Variants in BAALC observed in about 807,000 individuals in gnomAD.
BAALC encodes BAALC binder of MAP3K1 and KLF4.
A neutral mutation model predicts 15.5 loss-of-function variants in BAALC; 9 were observed. The observed-to-expected ratio is 0.58, with a 90% confidence interval of 0.35 to 1.02. The LOEUF is 1.02. BAALC is among the 50% of genes least tolerant of loss of function. The pLI is 0.02. For missense variants in BAALC, 201 were observed against 192.4 expected (o/e 1.04, Z -0.27); for synonymous variants, 80 against 74.6 (o/e 1.07, Z -0.37).
At chr8:103,166,868 C>T (rs987558642) in intron 1 of BAALC, among the ~76,000 whole-genome samples, 7 of 152,174 alleles carry the variant, frequency 4.6e-5, no homozygotes. Context: ...AGTGACTTCA[C>T]TTGGCACAGT....
chr8:103,141,055 CG>C lies in BAALC; in HGVS notation c.160+1del. ...DSGPEAGGLH[S>X]GMLEDGLPSN... ...GGCCCCGAAGCGGGCGGCCTGCACTCGGGTAAGTGGCCGGGCCCCTGCAGAC... is the reference window on the plus strand; with the variant it reads ...GGCCCCGAAGCGGGCGGCCTGCACTCGGTAAGTGGCCGGGCCCCTGCAGAC... On this transcript the variant is annotated frameshift_variant and splice_region_variant, in exon 1 of 3. Coordinates refer to ENST00000309982, the MANE Select transcript of BAALC (RefSeq NM_024812.3). LOFTEE classifies it high-confidence loss of function. The C allele has an allele frequency of 6.7e-7, 1 of 1,494,048 alleles. No homozygotes were observed. The highest frequency in any genetic ancestry group is 8.9e-7 in the Non-Finnish European group (1 of 1,122,082). 92.5% of individuals were successfully genotyped at this position (1,494,048 alleles called of 1,614,324 possible). A position where few individuals can be genotyped will look rare whatever the true frequency, so the allele number is the denominator to read the frequency against.
intron 1 of BAALC, among the ~76,000 whole-genome samples, chr8:103,147,175 A>G (rs1156742057): frequency 1.3e-5 from 2 of 152,366 alleles, no homozygotes; most frequent in Admixed American, 1.3e-4. Context: ...TGTCTTAGAT[A>G]TCAGTCCATT....
At chr8:103,225,043 C>T (rs1031176367) in intron 2 of BAALC, among the ~76,000 whole-genome samples, 2 of 152,110 alleles carry the variant, frequency 1.3e-5, no homozygotes, top group African/African-American at 4.8e-5. Context: ...GTTTCAAGGT[C>T]GTGTGATTTT....
chr8:103,207,560 C>A (rs765857471), intron 1 of BAALC, among the ~76,000 whole-genome samples: 3 of 152,184 alleles, frequency 2.0e-5, no homozygotes, highest in Non-Finnish European at 4.4e-5. Flanking sequence ...AGTGATCAAC[C>A]TTTGTCTTTC....
chr8:103,200,346 T>G (rs931876109), intron 1 of BAALC, among the ~76,000 whole-genome samples: 1 of 152,214 alleles, frequency 6.6e-6, no homozygotes, highest in South Asian at 2.1e-4. Flanking sequence ...ATCCCATTAC[T>G]AGGTATATAC....
At chr8:103,143,111 G>A (rs908117316) in intron 1 of BAALC, among the ~76,000 whole-genome samples, 2 of 152,148 alleles carry the variant, frequency 1.3e-5, no homozygotes, top group African/African-American at 2.4e-5. Flanking sequence ...GGGGTGTACT[G>A]GCATTCCCTA....
At chr8:103,219,852 G>T (rs568957919) in intron 2 of BAALC, among the ~76,000 whole-genome samples, 1 of 152,288 alleles carries the variant, frequency 6.6e-6, no homozygotes, top group South Asian at 2.1e-4. Flanking sequence ...CAAACATCTG[G>T]AGTTGCAGCT....
chr8:103,213,110 C>G, intron 2 of BAALC, 25 bp downstream of exon 2: 1 of 1,610,518 alleles, frequency 6.2e-7, no homozygotes, highest in Non-Finnish European at 8.5e-7. Flanking sequence ...ACAGAATCAA[C>G]TGGGGACTGG....
chr8:103,179,926 C>T (rs1811688294), intron 1 of BAALC, among the ~76,000 whole-genome samples: 1 of 152,188 alleles, frequency 6.6e-6, no homozygotes, highest in Admixed American at 6.5e-5. Flanking sequence ...TTCCCAGCTC[C>T]ATGATCAAAG....
intron 1 of BAALC, among the ~76,000 whole-genome samples, chr8:103,169,915 C>T (rs1811440006): frequency 6.6e-6 from 1 of 152,160 alleles, no homozygotes; most frequent in African/African-American, 2.4e-5. Context: ...CAAATGCTTT[C>T]TCTCCCCCTT....
intron 1 of BAALC, among the ~76,000 whole-genome samples, chr8:103,175,894 A>G (rs755433693): frequency 6.6e-6 from 1 of 152,242 alleles, no homozygotes; most frequent in Admixed American, 6.5e-5. Context: ...AATTTGTAGA[A>G]CAGTCTCATG....
chr8:103,174,116 AC>A (rs1408126955), intron 1 of BAALC, among the ~76,000 whole-genome samples: 6 of 152,144 alleles, frequency 3.9e-5, no homozygotes, highest in Admixed American at 1.3e-4. Flanking sequence ...GAAGATTCAA[AC>A]CCCAGAAGCT....
chr8:103,200,536 C>T (rs1812191323), intron 1 of BAALC: 2 of 445,780 alleles, frequency 4.5e-6, no homozygotes. Flanking sequence ...AAAGGCTAAC[C>T]ACCCCCAAAA....
intron 1 of BAALC, among the ~76,000 whole-genome samples, chr8:103,210,795 A>G (rs574923525): frequency 7.8e-4 from 119 of 152,366 alleles, no homozygotes; most frequent in Non-Finnish European, 1.2e-3. Flanking sequence ...AAACCAGAAA[A>G]GAAAATATTC....
chr8:103,220,295 C>T lies in BAALC; in HGVS notation c.327+7210C>T, dbSNP rs1031089995. Among the ~76,000 whole-genome samples the T allele has an allele frequency of 3.9e-5, 6 of 152,214 alleles. No individual in the cohort carries two copies. The South Asian group carries it at 1.0e-3, about 26-fold the overall frequency. On this transcript the variant is annotated intron_variant, in intron 2 of 2. Transcript: ENST00000309982. ...GGTTTCAGCTGCCTCATTGGGAAAG[C>T]GAATACAATAACATTCCCACCTGTC...
chr8:103,209,112 C>T (rs1455348688), intron 1 of BAALC, among the ~76,000 whole-genome samples: 1 of 152,162 alleles, frequency 6.6e-6, no homozygotes, highest in East Asian at 1.9e-4. Context: ...GGGCTCACAC[C>T]TGTAATCCCA....
chr8:103,221,888 C>CT (rs1812684989), intron 2 of BAALC, among the ~76,000 whole-genome samples: 1 of 152,070 alleles, frequency 6.6e-6, no homozygotes, highest in South Asian at 2.1e-4. Flanking sequence ...TCAGGAGATC[C>CT]TGAGAGTATG....
chr8:103,144,956 T>G (rs1243619194), intron 1 of BAALC, among the ~76,000 whole-genome samples: 1 of 152,196 alleles, frequency 6.6e-6, no homozygotes, highest in Non-Finnish European at 1.5e-5. Flanking sequence ...GCCACCCTCC[T>G]TTTACAAGTG....
At chr8:103,216,124 T>C (rs1563656645) in intron 2 of BAALC, among the ~76,000 whole-genome samples, 1 of 152,266 alleles carries the variant, frequency 6.6e-6, no homozygotes, top group Non-Finnish European at 1.5e-5. Context: ...TTTTCATCGT[T>C]ATGTATATTT....
Sources: allele counts gnomAD v4.1 joint callset (sites outside exome capture counted in the v4.1 genomes callset), GRCh38; gene constraint gnomAD v4.1.1; transcripts MANE v1.5; gene names NCBI Gene and HGNC (gene_info 2026-07-23, HGNC 2026-07-21).